Variants in LEFTY1 observed in about 807,000 individuals in gnomAD.
LEFTY1 encodes left-right determination factor B.
In LEFTY1, 18 loss-of-function variants were observed where a neutral mutation model predicts 22.6. The ratio of observed to expected loss-of-function variants is 0.80; its 90% CI spans 0.55 to 1.18. LEFTY1 has a LOEUF of 1.18. Among genes scored for constraint, LEFTY1 ranks in the 50% most tolerant of loss-of-function variants. The pLI is 0.00. For missense variants in LEFTY1, 414 were observed against 495.4 expected (o/e 0.84, Z 1.56); for synonymous variants, 201 against 231.5 (o/e 0.87, Z 1.20).
At chr1:225,888,384 T>G (rs550989569) in intron 1 of LEFTY1, among the ~76,000 whole-genome samples, 2 of 152,262 alleles carry the variant, frequency 1.3e-5, no homozygotes, top group African/African-American at 4.8e-5. Flanking sequence ...TCAGGCCCGC[T>G]GCACCCCTGA....
Position 225,887,419 on chromosome 1 carries a change from G to C in LEFTY1, c.717C>G (p.Thr239=). The change falls in exon 3 of 4, where the codon ACC becomes ACG. Residue 239 remains threonine, a synonymous_variant. Transcript: ENST00000272134. ...GLGEPQLELH[T]LDLGDYGAQG... ...CCTACCCATAGTCCCCAAGGTCCAG[G>C]GTGTGCAGCTCCAGCTGGGGCTCCC... is the stretch of plus-strand genomic sequence containing the variant. The C allele has an allele frequency of 6.2e-7, 1 of 1,613,622 alleles. No individual in the cohort carries two copies. Among genetic ancestry groups the C allele is most frequent in the Non-Finnish European group, 8.5e-7 (1 of 1,179,888 alleles).
intron 1 of LEFTY1, among the ~76,000 whole-genome samples, chr1:225,888,509 C>T (rs890558298): frequency 2.0e-5 from 3 of 152,204 alleles, no homozygotes; most frequent in African/African-American, 7.2e-5. Context: ...ATGGGCAAGA[C>T]ATAGTTATAC....
Position 225,888,893 on chromosome 1 carries a change from C to T in LEFTY1, c.174G>A (p.Arg58=). 1 of 1,613,256 alleles carries T rather than the reference C, an allele frequency of 6.2e-7. No individual in the cohort carries two copies. Among genetic ancestry groups the T allele is most frequent in the Non-Finnish European group, 8.5e-7 (1 of 1,179,854 alleles). The change falls in exon 1 of 4, where the codon AGG becomes AGA. Residue 58 remains arginine (R), a synonymous_variant. Transcript: ENST00000272134. The part of the protein sequence containing the change: ...MEELVIPTHV[R]AQYVALLQRS... ...GCTGCAGCAGGGCCACGTACTGGGC[C>T]CTCACGTGGGTGGGGATGACCAGCT...
rs753714510 is a variant in LEFTY1, at chr1:225,887,767, G to A, written c.497+19C>T. 186 of 1,546,526 alleles carry A rather than the reference G, an allele frequency of 1.2e-4. No homozygotes were observed. Among genetic ancestry groups the A allele is most frequent in the Non-Finnish European group, 1.5e-4 (170 of 1,149,008 alleles). ...TAGCAGCGCCCTCCCCCTACCCTGC[G>A]CGCCCCCGCGACCCCCACCTGGAGT... On this transcript the variant is annotated intron_variant, in intron 2 of 3. Transcript: ENST00000272134.
At position 225,886,754 on chromosome 1, in the gene LEFTY1, C is replaced by T. The variant is rs545428679; in HGVS notation, c.1074G>A (p.Ala358=). The change falls in exon 4 of 4, where the codon GCG becomes GCA. Residue 358 remains alanine, a synonymous_variant. Transcript: ENST00000272134. ...VQKCSCASDG[A]LVPRRLQP is the part of the protein sequence containing the mutation. ...ATGGCTGGAGCCTCCTTGGCACGAGCGCACCATCCGAGGCACAGCTGCACT... is the reference window on the plus strand; with the variant it reads ...ATGGCTGGAGCCTCCTTGGCACGAGTGCACCATCCGAGGCACAGCTGCACT... 4.2e-5 allele frequency: 67 copies of T among 1,613,644 alleles called. No homozygotes were observed. The highest frequency in any genetic ancestry group is 2.5e-4 in the South Asian group (23 of 91,070).
chr1:225,888,674 C>A, intron 1 of LEFTY1, 143 bp downstream of exon 1: 1 of 1,131,632 alleles, frequency 8.8e-7, no homozygotes, highest in Non-Finnish European at 1.2e-6. Flanking sequence ...ACAGGCCCGG[C>A]CCCACCTCAC....
intron 3 of LEFTY1, 139 bp from the exon 4 acceptor site, chr1:225,887,229 A>G: frequency 2.0e-6 from 3 of 1,471,110 alleles, no homozygotes; most frequent in Non-Finnish European, 2.7e-6. Context: ...GCTAGAAATA[A>G]CTTGAAAATT....
Position 225,887,039 on chromosome 1 carries a change from G to C in LEFTY1, c.789C>G (p.Cys263Trp), listed in dbSNP as rs1238538025. Reference sequence around the variant, plus strand: ...GGTCAATGTACATCTCCTGGCGGCAGCAGCGGGTGCCCTCGGTCATTGGTG... The same window carrying C: ...GGTCAATGTACATCTCCTGGCGGCACCAGCGGGTGCCCTCGGTCATTGGTG... Reference protein sequence around the residue: ...PEAPMTEGTRCCRQEMYIDLQ... With the variant: ...PEAPMTEGTRWCRQEMYIDLQ... The change falls in exon 4 of 4, where the codon TGC (cysteine) becomes TGG (tryptophan). Residue 263 changes from cysteine (C) to tryptophan (W), a missense_variant. This residue lies in a region of LEFTY1 where 398 missense variants were observed against 454.7 expected (regional missense o/e 0.88). Transcript: ENST00000272134. The C allele has an allele frequency of 2.5e-5, 40 of 1,598,692 alleles. No individual in the cohort carries two copies. Among genetic ancestry groups the C allele is most frequent in the Non-Finnish European group, 3.4e-5 (40 of 1,171,716 alleles).
chr1:225,888,930 G>T lies in LEFTY1; in HGVS notation c.137C>A (p.Ala46Asp). 1 of 1,612,064 alleles carries T rather than the reference G, an allele frequency of 6.2e-7. No homozygotes were observed. Among genetic ancestry groups the T allele is most frequent in the Non-Finnish European group, 8.5e-7 (1 of 1,179,500 alleles). ...GGGGATGACCAGCTCCTCCATGTCG[G>T]CCCTGTCCAGGGTGGGCACCTCTTT... Reference protein sequence around the residue: ...QLKEVPTLDRADMEELVIPTH... With the variant: ...QLKEVPTLDRDDMEELVIPTH... Residue 46 changes from alanine (A) to aspartate (D), a missense_variant, in exon 1 of 4, where the codon GCC (alanine) becomes GAC (aspartate). Coordinates refer to ENST00000272134, the MANE Select transcript of LEFTY1 (RefSeq NM_020997.4).
chr1:225,888,040 C>T lies in LEFTY1; in HGVS notation c.251-8G>A. 1 of 1,591,000 alleles carries T rather than the reference C, an allele frequency of 6.3e-7. No homozygotes were observed. The highest frequency in any genetic ancestry group is 8.5e-7 in the Non-Finnish European group (1 of 1,178,396). On this transcript the variant is annotated splice_polypyrimidine_tract_variant and splice_region_variant and intron_variant, in intron 1 of 3. Transcript: ENST00000272134. ...GGAACCTGCCGGCCACCTCTGGGGA[C>T]AAGAGCAGGGTCAGCAGGGCCTCCC...
At chr1:225,888,642 A>G (rs2102658058) in intron 1 of LEFTY1, among the ~76,000 whole-genome samples, 175 bp downstream of exon 1, 1 of 152,308 alleles carries the variant, frequency 6.6e-6, no homozygotes, top group Non-Finnish European at 1.5e-5. Flanking sequence ...GCACCGCTGC[A>G]TGCTGAGGCC....
At position 225,887,470 on chromosome 1, in the gene LEFTY1, G is replaced by A; in HGVS notation, c.666C>T (p.Ala222=). ...CAAGCCCGGCTGGCGCCCCCTGCGA[G>A]GCAAAGCGGACCAGCTTGTGGGCGC... ...ASGAHKLVRF[A]SQGAPAGLGE... Residue 222 remains alanine, a synonymous_variant, in exon 3 of 4, where the codon GCC becomes GCT. Transcript: ENST00000272134. 1 of 1,612,710 alleles carries A rather than the reference G, an allele frequency of 6.2e-7. No homozygotes were observed. The highest frequency in any genetic ancestry group is 2.2e-5 in the East Asian group (1 of 44,856).
chr1:225,886,922 C>G lies in LEFTY1; in HGVS notation c.906G>C (p.Glu302Asp). 1 of 1,613,912 alleles carries G rather than the reference C, an allele frequency of 6.2e-7. No individual in the cohort carries two copies. Among genetic ancestry groups the G allele is most frequent in the Non-Finnish European group, 8.5e-7 (1 of 1,180,018 alleles). The part of the protein sequence containing the change: ...ECVGTCRQPP[E>D]ALAFKWPFLG... The stretch of plus-strand genomic sequence containing the variant: ...GAAACGGCCACTTGAAGGCCAGGGC[C>G]TCCGGGGGCTGCCGGCAGGTGCCCA... The change falls in exon 4 of 4, where the codon GAG becomes GAC. Residue 302 changes from glutamate (E) to aspartate (D), a missense_variant. By Grantham distance (45) the Glu-to-Asp change is conservative. This residue lies in a region of LEFTY1 where 398 missense variants were observed against 454.7 expected (regional missense o/e 0.88). Transcript: ENST00000272134.
rs765077092 is a variant in LEFTY1 at position 225,886,877 on chromosome 1, G to A, written c.951C>T (p.Ile317=). ...KWPFLGPRQC[I]ASETDSLPMI... is the part of the protein sequence containing the mutation. Reference sequence around the variant, plus strand: ...TGGGCAGCGAGTCAGTCTCCGAGGCGATGCACTGTCGAGGCCCCAGAAACG... The same window carrying A: ...TGGGCAGCGAGTCAGTCTCCGAGGCAATGCACTGTCGAGGCCCCAGAAACG... Residue 317 remains isoleucine (I), a synonymous_variant, in exon 4 of 4, where the codon ATC becomes ATT. Coordinates refer to ENST00000272134, the MANE Select transcript of LEFTY1 (RefSeq NM_020997.4). 25 of 1,613,864 alleles carry A rather than the reference G, an allele frequency of 1.5e-5. No individual in the cohort carries two copies. The highest frequency in any genetic ancestry group is 7.7e-5 in the South Asian group (7 of 91,086).
Position 225,887,616 on chromosome 1 carries a change from C to G in LEFTY1, c.520G>C (p.Gly174Arg), listed in dbSNP as rs201293717. The G allele has an allele frequency of 2.9e-4, 474 of 1,612,196 alleles. No homozygotes were observed. The highest frequency in any genetic ancestry group is 3.8e-4 in the Non-Finnish European group (450 of 1,179,784). The change falls in exon 3 of 4, where the codon GGC becomes CGC. Residue 174 changes from glycine to arginine, a missense_variant. Physicochemically the swap from Gly to Arg is moderately radical, Grantham distance 125 (BLOSUM62 -2). Around this residue, in one of 2 missense-constraint regions of LEFTY1, gnomAD observed 398 missense variants for 454.7 expected, o/e 0.88. Transcript: ENST00000272134. ...DSRLVSVHES[G>R]WKAFDVTEAV... ...TCGGTCACGTCGAAGGCCTTCCAGCCGCTCTCGTGGACGGACACCAGCCTG... is the reference window on the plus strand; with the variant it reads ...TCGGTCACGTCGAAGGCCTTCCAGCGGCTCTCGTGGACGGACACCAGCCTG...
Position 225,887,812 on chromosome 1 carries a change from G to T in LEFTY1, c.471C>A (p.Ser157=). The change falls in exon 2 of 4, where the codon TCC becomes TCA. Residue 157 remains serine (S), a synonymous_variant. Coordinates refer to ENST00000272134, the MANE Select transcript of LEFTY1 (RefSeq NM_020997.4). ...TGGAGTCGATGAGGGAGGTGCGGTTGGAGCCGTCGTCGCGGACGCGCAGCC... is the reference window on the plus strand; with the variant it reads ...TGGAGTCGATGAGGGAGGTGCGGTTTGAGCCGTCGTCGCGGACGCGCAGCC... ...VEWLRVRDDG[S]NRTSLIDSRL... 6.5e-7 allele frequency: 1 copy of T among 1,541,514 alleles called. No homozygotes were observed. Among genetic ancestry groups the T allele is most frequent in the South Asian group, 1.2e-5 (1 of 84,400 alleles).
chr1:225,887,140 T>G (rs764787763), intron 3 of LEFTY1, 50 bp from the exon 4 acceptor site: 25 of 1,551,066 alleles, frequency 1.6e-5, no homozygotes, highest in Non-Finnish European at 2.2e-5. Flanking sequence ...AGGGCTGAGG[T>G]CAGAGGGCGT....
Position 225,887,383 on chromosome 1 carries a change from G to C in LEFTY1, c.737+16C>G, listed in dbSNP as rs749470523. ...TCTCTTTATTCCGGCTTACCAGTTT[G>C]ACCCTCAGCACCTACCCATAGTCCC... On this transcript the variant is annotated intron_variant, in intron 3 of 3. Coordinates refer to ENST00000272134, the MANE Select transcript of LEFTY1 (RefSeq NM_020997.4). 3.1e-6 allele frequency: 5 copies of C among 1,613,090 alleles called. No individual in the cohort carries two copies. Among genetic ancestry groups the C allele is most frequent in the Non-Finnish European group, 3.4e-6 (4 of 1,179,716 alleles).
chr1:225,889,077 T>C lies in LEFTY1; in HGVS notation c.-11A>G. 6.9e-7 allele frequency: 1 copy of C among 1,454,622 alleles called. No individual in the cohort carries two copies. The allele number at this position is 1,454,622 out of a possible 1,614,324, so 90.1% of individuals were successfully genotyped here. ...CCACAGGGGCTGCATGGTGCTGCCC[T>C]GGAGGAGCAAGAGGCAGAGTGGGGC... On this transcript the variant is annotated 5_prime_UTR_variant, in exon 1 of 4. Coordinates refer to ENST00000272134, the MANE Select transcript of LEFTY1 (RefSeq NM_020997.4).
Sources: allele counts gnomAD v4.1 joint callset (sites outside exome capture counted in the v4.1 genomes callset), GRCh38; gene constraint gnomAD v4.1.1; regional missense constraint gnomAD v4.1.1; transcripts MANE v1.5; gene names NCBI Gene and HGNC (gene_info 2026-07-23, HGNC 2026-07-21).